Variants in GAP43 observed in about 807,000 individuals in gnomAD.
The protein encoded by GAP43 is neuromodulin.
Under a neutral mutation model 18.6 loss-of-function variants are expected in GAP43, and 6 were observed. The ratio of observed to expected loss-of-function variants is 0.32; its 90% CI spans 0.18 to 0.64. The LOEUF (loss-of-function observed/expected upper bound fraction) is 0.64, where lower values mean the gene tolerates loss of function less well. GAP43 is among the 30% of genes least tolerant of loss of function. The probability of loss-of-function intolerance (pLI) is 0.78; values close to 1 mark genes in which losing one functional copy is unlikely to be tolerated. For missense variants in GAP43, 292 were observed against 295.5 expected, an observed-to-expected ratio of 0.99 and a Z score of 0.09; for synonymous variants, 115 against 111.4, an observed-to-expected ratio of 1.03 and a Z score of -0.20.
Position 115,718,427 on chromosome 3 carries a change from C to A in GAP43, c.629-2367C>A, listed in dbSNP as rs146249131. ...CTTTCTTCTGGTAGAAAATTAAATA[C>A]CTCATTAGCACACCAAAATTTTTGT... On this transcript the variant is annotated intron_variant, in intron 2 of 2. Coordinates refer to ENST00000305124, the MANE Select transcript of GAP43 (RefSeq NM_002045.4). 4.4e-3 allele frequency among the ~76,000 whole-genome samples: 675 copies of A among 152,248 alleles called. 3 individuals carry two copies. The highest frequency in any genetic ancestry group is 0.014 in the African/African-American group (596 of 41,546).
chr3:115,631,817 C>T (rs1708262986), intron 1 of GAP43, among the ~76,000 whole-genome samples: 1 of 152,144 alleles, frequency 6.6e-6, no homozygotes, highest in African/African-American at 2.4e-5. Context: ...GACAAGGTTT[C>T]ACCATGTTGC....
rs145458439 is a variant in GAP43 at position 115,634,770 on chromosome 3, AAAATAAAT to A, written c.30+11070_30+11077del. 7.8e-3 allele frequency among the ~76,000 whole-genome samples: 1,183 copies of A among 151,984 alleles called. 14 individuals are homozygous for A. The highest frequency in any genetic ancestry group is 0.028 in the African/African-American group (1,154 of 41,478). ...GGGTGACAGAGCGAGACTCTGTCTCAAAATAAATAAATAAATAAATAAATAATAAAAAT... is the reference window on the plus strand; with the variant it reads ...GGGTGACAGAGCGAGACTCTGTCTCAAAATAAATAAATAAATAATAAAAAT... On this transcript the variant is annotated intron_variant, in intron 1 of 2. Transcript: ENST00000305124.
intron 1 of GAP43, among the ~76,000 whole-genome samples, chr3:115,642,589 T>C (rs1458490199): frequency 6.6e-6 from 1 of 152,086 alleles, no homozygotes; most frequent in East Asian, 1.9e-4. Flanking sequence ...CTTACACTAA[T>C]GTTTCTTCTT....
intron 1 of GAP43, among the ~76,000 whole-genome samples, chr3:115,652,088 T>A (rs976264652): frequency 6.6e-5 from 10 of 152,180 alleles, no homozygotes; most frequent in African/African-American, 2.2e-4. Flanking sequence ...CTAAGATGCT[T>A]CTAGTTGCTT....
At chr3:115,711,477 G>C (rs150619340) in intron 2 of GAP43, among the ~76,000 whole-genome samples, 1 of 143,268 alleles carries the variant, frequency 7.0e-6, no homozygotes, top group Non-Finnish European at 1.5e-5. Flanking sequence ...GCACACGTGG[G>C]ATTTTTAAGT....
At chr3:115,712,461 T>C (rs1223202776) in intron 2 of GAP43, among the ~76,000 whole-genome samples, 1 of 152,192 alleles carries the variant, frequency 6.6e-6, no homozygotes, top group Non-Finnish European at 1.5e-5. Flanking sequence ...TAGAATTAGG[T>C]TGAGTGAATT....
intron 1 of GAP43, among the ~76,000 whole-genome samples, chr3:115,666,557 A>G (rs900038208): frequency 6.6e-6 from 1 of 152,172 alleles, no homozygotes; most frequent in African/African-American, 2.4e-5. Context: ...GAGTATGTAC[A>G]AAGTGTCAGG....
rs1394583171 is a variant in GAP43 at position 115,672,187 on chromosome 3, A to T, written c.31-3826A>T. Among the ~76,000 whole-genome samples the T allele has an allele frequency of 2.0e-5, 3 of 152,344 alleles. 1 individual carries two copies. Among genetic ancestry groups the T allele is most frequent in the Admixed American group, 2.0e-4 (3 of 15,298 alleles). ...GTTGAGGTCAAATACAAGCTGGGCC[A>T]CTGCCTCCCTCACTCGCTGTATGAA... On this transcript the variant is annotated intron_variant, in intron 1 of 2. Coordinates refer to ENST00000305124, the MANE Select transcript of GAP43 (RefSeq NM_002045.4).
At chr3:115,688,140 C>G (rs754713821) in intron 2 of GAP43, among the ~76,000 whole-genome samples, 4 of 152,064 alleles carry the variant, frequency 2.6e-5, no homozygotes, top group Non-Finnish European at 4.4e-5. Flanking sequence ...CCTCAGCCTC[C>G]CGAGTAGCTG....
In GAP43 at chr3:115,721,452, C is replaced by T. The variant is rs756483095; in HGVS notation, c.*570C>T. 1.3e-5 allele frequency: 2 copies of T among 152,162 alleles called. No individual in the cohort carries two copies. The highest frequency in any genetic ancestry group is 2.9e-5 in the Non-Finnish European group (2 of 68,058). 9.4% of individuals were successfully genotyped at this position (152,162 alleles called of 1,614,324 possible). ...TGCGGCTCTAAGGCTCCTTTTTCAA[C>T]CCGAATATTAATAAATCATGAGAGT... On this transcript the variant is annotated 3_prime_UTR_variant, in exon 3 of 3. Transcript: ENST00000305124.
At chr3:115,648,848 A>T (rs1017982893) in intron 1 of GAP43, among the ~76,000 whole-genome samples, 2 of 152,146 alleles carry the variant, frequency 1.3e-5, no homozygotes, top group Non-Finnish European at 2.9e-5. Flanking sequence ...CTCTAAAATA[A>T]ATGGTCAGTA....
intron 2 of GAP43, among the ~76,000 whole-genome samples, chr3:115,705,076 C>T (rs1445537804): frequency 6.6e-6 from 1 of 152,056 alleles, no homozygotes; most frequent in South Asian, 2.1e-4. Flanking sequence ...AATTAAACAA[C>T]AAAGATAAAT....
At chr3:115,686,005 C>A (rs551617321) in intron 2 of GAP43, among the ~76,000 whole-genome samples, 1 of 152,250 alleles carries the variant, frequency 6.6e-6, no homozygotes, top group Non-Finnish European at 1.5e-5. Context: ...TAAAACAAAA[C>A]TCTAACAGCC....
At chr3:115,699,251 C>G (rs372857001) in intron 2 of GAP43, among the ~76,000 whole-genome samples, 2 of 152,138 alleles carry the variant, frequency 1.3e-5, no homozygotes, top group African/African-American at 2.4e-5. Context: ...GTGAAGTGCA[C>G]GTGAGAAACA....
At position 115,721,420 on chromosome 3, in the gene GAP43, G is replaced by C. The variant is rs890154979; in HGVS notation, c.*538G>C. 1 of 152,210 alleles carries C rather than the reference G, an allele frequency of 6.6e-6. No homozygotes were observed. The highest frequency in any genetic ancestry group is 1.5e-5 in the Non-Finnish European group (1 of 68,054). The allele number at this position is 152,210 out of a possible 1,614,324, so 9.4% of individuals were successfully genotyped here. The stretch of plus-strand genomic sequence containing the variant: ...AAATAAAGCAAATGTGCCAATTAGC[G>C]TAAACTTGCGGCTCTAAGGCTCCTT... On this transcript the variant is annotated 3_prime_UTR_variant, in exon 3 of 3. Coordinates refer to ENST00000305124, the MANE Select transcript of GAP43 (RefSeq NM_002045.4).
chr3:115,663,444 G>C, intron 1 of GAP43: 4 of 850,248 alleles, frequency 4.7e-6, no homozygotes, highest in Non-Finnish European at 5.8e-6. Flanking sequence ...CATAGTTCCT[G>C]ACCTGATGCC....
chr3:115,636,008 C>T (rs904471939), intron 1 of GAP43, among the ~76,000 whole-genome samples: 1 of 152,070 alleles, frequency 6.6e-6, no homozygotes, highest in Non-Finnish European at 1.5e-5. Context: ...TTTTATTAAT[C>T]ATATCTTACC....
At chr3:115,693,503 ATT>A (rs1207655567) in intron 2 of GAP43, among the ~76,000 whole-genome samples, 2 of 142,670 alleles carry the variant, frequency 1.4e-5, no homozygotes, top group Non-Finnish European at 3.1e-5. Flanking sequence ...TATTATTATT[ATT>A]ATTTATTTTA....
intron 2 of GAP43, among the ~76,000 whole-genome samples, chr3:115,719,048 A>G (rs1361868861): frequency 2.6e-5 from 4 of 152,204 alleles, no homozygotes. Context: ...TCCTAGTTTA[A>G]TCTCCTCAAA....
Sources: allele counts gnomAD v4.1 joint callset (sites outside exome capture counted in the v4.1 genomes callset), GRCh38; gene constraint gnomAD v4.1.1; transcripts MANE v1.5; gene names NCBI Gene and HGNC (gene_info 2026-07-23, HGNC 2026-07-21).